RAB3IL1: variants seen among roughly 807,000 people sequenced by gnomAD.
The protein encoded by RAB3IL1 is guanine nucleotide exchange factor for Rab-3A.
In RAB3IL1, 37 loss-of-function variants were observed where a neutral mutation model predicts 49.2. The ratio of observed to expected loss-of-function variants is 0.75; its 90% CI spans 0.58 to 0.99. RAB3IL1 has a LOEUF of 0.99. RAB3IL1 is among the 50% of genes least tolerant of loss of function. RAB3IL1 has a pLI of 0.00. For synonymous variants in RAB3IL1, 193 were observed against 213.9 expected (o/e 0.90, Z 0.85); for missense variants, 484 against 513.0 (o/e 0.94, Z 0.55).
the RAB3IL1 span, among the ~76,000 whole-genome samples, chr11:61,925,439 G>A: frequency 6.6e-6 from 1 of 152,096 alleles, no homozygotes; most frequent in Non-Finnish European, 1.5e-5. Flanking sequence ...TTCAAGACCA[G>A]CCTGGCCAAC....
In RAB3IL1 at chr11:61,898,063, G is replaced by C. The variant is rs972120052; in HGVS notation, c.*215C>G. ...CCTCCTGGTGGTGGCAGAACCCAGT[G>C]GGGAAGAGAGGGGGGTCTTGCCGTG... On this transcript the variant is annotated 3_prime_UTR_variant, in exon 10 of 10. Coordinates refer to ENST00000394836, the MANE Select transcript of RAB3IL1 (RefSeq NM_013401.4). This position sits in a 1 kb window ranked among gnomAD's most constrained non-coding sequence, Gnocchi z 5.1. 1.8e-6 allele frequency: 1 copy of C among 555,540 alleles called. No homozygotes were observed. The highest frequency in any genetic ancestry group is 2.1e-5 in the South Asian group (1 of 47,398). 34.4% of individuals were successfully genotyped at this position (555,540 alleles called of 1,614,324 possible).
rs185875168 is a variant in RAB3IL1, at chr11:61,898,945, G to A, written c.1066+369C>T. 1,456 of 492,038 alleles carry A rather than the reference G, an allele frequency of 3.0e-3. 21 individuals are homozygous for A. Among genetic ancestry groups the A allele is most frequent in the African/African-American group, 0.026 (1,319 of 51,640 alleles). The allele number at this position is 492,038 out of a possible 1,614,324, so 30.5% of individuals were successfully genotyped here. On this transcript the variant is annotated intron_variant, in intron 9 of 9. Coordinates refer to ENST00000394836, the MANE Select transcript of RAB3IL1 (RefSeq NM_013401.4). The surrounding 1 kb of genome is among the most constrained non-coding windows in gnomAD (Gnocchi z 5.1). Reference sequence around the variant, plus strand: ...TTGCAGAATGGGCTGTGGGGGGAGGGGGTGGAGGGAGGCCCTGTCCAGCAT... The same window carrying A: ...TTGCAGAATGGGCTGTGGGGGGAGGAGGTGGAGGGAGGCCCTGTCCAGCAT...
the RAB3IL1 span, among the ~76,000 whole-genome samples, chr11:61,945,276 C>T: frequency 1.8e-4 from 27 of 152,152 alleles, no homozygotes; most frequent in African/African-American, 6.5e-4. Flanking sequence ...TTCTAAAGAG[C>T]GCTTAGTGCA....
the RAB3IL1 span, among the ~76,000 whole-genome samples, chr11:61,927,485 T>A: frequency 6.6e-6 from 1 of 151,698 alleles, no homozygotes; most frequent in African/African-American, 2.4e-5. Context: ...AGGTTAGGAG[T>A]CTGGAAAAAT....
At chr11:61,926,378 G>A in the RAB3IL1 span, among the ~76,000 whole-genome samples, 2 of 152,134 alleles carry the variant, frequency 1.3e-5, no homozygotes, top group African/African-American at 4.8e-5. Flanking sequence ...TGTGTAGCGG[G>A]GGATTCAGAC....
rs371747363 is a variant in RAB3IL1, at chr11:61,898,273, G to T, written c.*5C>A. 8 of 1,612,106 alleles carry T rather than the reference G, an allele frequency of 5.0e-6. No homozygotes were observed. The highest frequency in any genetic ancestry group is 5.9e-6 in the Non-Finnish European group (7 of 1,179,736). ...CAGAGCTCCCCTTCAGGCCTGGGCC[G>T]CGCCCTAAGCCTCCTGGGGGAAGAA... On this transcript the variant is annotated 3_prime_UTR_variant, in exon 10 of 10. Coordinates refer to ENST00000394836, the MANE Select transcript of RAB3IL1 (RefSeq NM_013401.4). This position sits in a 1 kb window ranked among gnomAD's most constrained non-coding sequence, Gnocchi z 5.1.
upstream of RAB3IL1, among the ~76,000 whole-genome samples, chr11:61,922,504 A>G (rs1939930578): frequency 6.6e-6 from 1 of 152,146 alleles, no homozygotes; most frequent in African/African-American, 2.4e-5. Flanking sequence ...CCTGGGCAAC[A>G]AGAGCCAAAC....
chr11:61,936,464 C>T, the RAB3IL1 span, among the ~76,000 whole-genome samples: 16 of 152,160 alleles, frequency 1.1e-4, no homozygotes, highest in Admixed American at 2.6e-4. Flanking sequence ...TGCAGTGGCA[C>T]GATCTCAGCT....
intron 1 of RAB3IL1, among the ~76,000 whole-genome samples, chr11:61,910,188 C>T (rs1442879551): frequency 1.3e-5 from 2 of 152,194 alleles, no homozygotes; most frequent in Non-Finnish European, 2.9e-5. Context: ...AGGCCCAAAG[C>T]TTCCCCGCTG....
chr11:61,919,508 C>T (rs1013128547), upstream of RAB3IL1, among the ~76,000 whole-genome samples: 2 of 152,180 alleles, frequency 1.3e-5, no homozygotes, highest in African/African-American at 4.8e-5. Flanking sequence ...ATCACACCAG[C>T]CAGGGGCAGT....
chr11:61,920,290 T>G, upstream of RAB3IL1: 1 of 1,231,170 alleles, frequency 8.1e-7, no homozygotes, highest in Non-Finnish European at 1.0e-6. Context: ...ACACTAACCT[T>G]TGCTATCTCC....
chr11:61,916,665 C>T (rs1373980446), intron 1 of RAB3IL1, among the ~76,000 whole-genome samples: 1 of 152,228 alleles, frequency 6.6e-6, no homozygotes, highest in African/African-American at 2.4e-5. Flanking sequence ...AAGTGTTTGC[C>T]CAACTCCACA....
rs1037448788 is a variant in RAB3IL1 at position 61,906,145 on chromosome 11, G to A, written c.657+321C>T. Among the ~76,000 whole-genome samples, 1 of 152,152 alleles carries A rather than the reference G, an allele frequency of 6.6e-6. No individual in the cohort carries two copies. Among genetic ancestry groups the A allele is most frequent in the African/African-American group, 2.4e-5 (1 of 41,426 alleles). ...CTTGGCCTCTTAAGGCCAAGGAAGT[G>A]TGTGTCTCAGTGGAGGCCCCAGATC... On this transcript the variant is annotated intron_variant, in intron 5 of 9. Transcript: ENST00000394836. This position sits in a 1 kb window ranked among gnomAD's most constrained non-coding sequence, Gnocchi z 4.6.
chr11:61,901,052 T>C (rs1265759533), intron 8 of RAB3IL1, among the ~76,000 whole-genome samples: 1 of 151,992 alleles, frequency 6.6e-6, no homozygotes, highest in African/African-American at 2.4e-5. Context: ...TTTTGGTAAA[T>C]GGGTGCTCAG....
chr11:61,902,076 A>G (rs985851255), intron 8 of RAB3IL1, among the ~76,000 whole-genome samples: 4 of 152,168 alleles, frequency 2.6e-5, no homozygotes, highest in Non-Finnish European at 5.9e-5. Flanking sequence ...GCACTTTGGG[A>G]GGCCGAGGCA....
At chr11:61,944,049 C>T in the RAB3IL1 span, among the ~76,000 whole-genome samples, 1 of 152,078 alleles carries the variant, frequency 6.6e-6, no homozygotes, top group African/African-American at 2.4e-5. Context: ...ATAAAGCAGG[C>T]ATACATGAAT....
At chr11:61,909,268 G>C (rs561215044) in intron 1 of RAB3IL1, among the ~76,000 whole-genome samples, 3 of 152,296 alleles carry the variant, frequency 2.0e-5, no homozygotes, top group Non-Finnish European at 2.9e-5. Flanking sequence ...TGCACCAGAG[G>C]GGGAAGGCAA....
intron 1 of RAB3IL1, among the ~76,000 whole-genome samples, chr11:61,913,196 C>A (rs190662751): frequency 6.6e-6 from 1 of 152,136 alleles, no homozygotes; most frequent in Admixed American, 6.5e-5. Flanking sequence ...GGCTTGAGAG[C>A]CAGAAAGGAC....
chr11:61,939,323 G>A, the RAB3IL1 span, among the ~76,000 whole-genome samples: 1 of 151,942 alleles, frequency 6.6e-6, no homozygotes, highest in African/African-American at 2.4e-5. Context: ...TAGATGAGAT[G>A]AATGAAAATG....
Sources: gnomAD v4.1 joint callset for allele counts (sites outside exome capture counted in the v4.1 genomes callset) on GRCh38, gnomAD v4.1.1 for gene constraint, Gnocchi (gnomAD v3.1) non-coding constraint, MANE v1.5 for transcripts, NCBI Gene and HGNC (gene_info 2026-07-23, HGNC 2026-07-21) for gene names.